LRP6: variants seen among roughly 807,000 people sequenced by gnomAD.
LRP6 encodes low-density lipoprotein receptor-related protein 6.
LRP6 carries 43 observed loss-of-function variants against 184.1 expected under a neutral mutation model. That is an observed-to-expected ratio of 0.23 (90% CI 0.18 to 0.30). The LOEUF (loss-of-function observed/expected upper bound fraction) is 0.30, where lower values mean the gene tolerates loss of function less well. LRP6 is among the 10% of genes least tolerant of loss of function. The pLI is 1.00. For synonymous variants in LRP6, 719 were observed against 684.9 expected (o/e 1.05, Z -0.78); for missense variants, 1,571 against 2,005.3 (o/e 0.78, Z 4.14).
intron 2 of LRP6, among the ~76,000 whole-genome samples, chr12:12,236,916 T>C (rs1183176305): frequency 3.3e-5 from 5 of 151,072 alleles, no homozygotes; most frequent in Non-Finnish European, 7.4e-5. Flanking sequence ...ATTCAGGGAT[T>C]TTTTTTTTGA....
At position 12,243,726 on chromosome 12, in the gene LRP6, G is replaced by A. The variant is rs562094506; in HGVS notation, c.449+536C>T. ...AGCCCAGGGGTTCAAGACCAGCCTG[G>A]GCAACACGGTGAAATTCTGTCTCTA... On this transcript the variant is annotated intron_variant, in intron 2 of 22. Coordinates refer to ENST00000261349, the MANE Select transcript of LRP6 (RefSeq NM_002336.3). Among the ~76,000 whole-genome samples, 313 of 152,126 alleles carry A rather than the reference G, an allele frequency of 2.1e-3. 3 individuals are homozygous for A. The highest frequency in any genetic ancestry group is 1.0e-3 in the Non-Finnish European group (71 of 67,986).
chr12:12,167,098 AT>A, intron 7 of LRP6, among the ~76,000 whole-genome samples: 1 of 152,314 alleles, frequency 6.6e-6, no homozygotes, highest in South Asian at 2.1e-4. Flanking sequence ...TAGGAAAAAA[AT>A]CTTTAAAAAG....
At chr12:12,169,274 G>A (rs1030653440) in intron 7 of LRP6, among the ~76,000 whole-genome samples, 8 of 149,444 alleles carry the variant, frequency 5.4e-5, no homozygotes, top group African/African-American at 1.7e-4. Flanking sequence ...AAGTATGCCC[G>A]CAGTGTGGGA....
intron 2 of LRP6, among the ~76,000 whole-genome samples, chr12:12,242,445 A>T (rs1865090711): frequency 6.6e-6 from 1 of 152,182 alleles, no homozygotes; most frequent in African/African-American, 2.4e-5. Flanking sequence ...GGAAAAAAGA[A>T]CTTTATCTTT....
chr12:12,233,487 T>G (rs556201736), intron 2 of LRP6, among the ~76,000 whole-genome samples: 2 of 151,864 alleles, frequency 1.3e-5, no homozygotes, highest in South Asian at 4.2e-4. Context: ...AATGAATGAA[T>G]GAATGAAAAT....
chr12:12,125,788 C>A (rs931601659), intron 20 of LRP6, among the ~76,000 whole-genome samples: 2 of 152,140 alleles, frequency 1.3e-5, no homozygotes, highest in South Asian at 2.1e-4. Flanking sequence ...AAATACCAGA[C>A]TTGCTCAAAA....
chr12:12,117,279 G>A lies in LRP6; in HGVS notation c.*3847C>T, dbSNP rs920076411. On this transcript the variant is annotated 3_prime_UTR_variant, in exon 23 of 23. Transcript: ENST00000261349. ...CTTTAGGACTCAGTCCACACTTAGT[G>A]CATAGTCTCATCTGTAGATGCCCAA... 6.6e-6 allele frequency: 1 copy of A among 152,182 alleles called. No individual in the cohort carries two copies. The highest frequency in any genetic ancestry group is 2.4e-5 in the African/African-American group (1 of 41,444). The allele number at this position is 152,182 out of a possible 1,614,324, so 9.4% of individuals were successfully genotyped here. A position where few individuals can be genotyped will look rare whatever the true frequency, so the allele number is the denominator to read the frequency against.
At chr12:12,199,463 A>G (rs1425866889) in intron 3 of LRP6, among the ~76,000 whole-genome samples, 1 of 152,222 alleles carries the variant, frequency 6.6e-6, no homozygotes, top group African/African-American at 2.4e-5. Flanking sequence ...TTGTTGTACA[A>G]TAACATCTTC....
At chr12:12,264,773 C>T (rs983597919) in intron 1 of LRP6, among the ~76,000 whole-genome samples, 8 of 152,258 alleles carry the variant, frequency 5.3e-5, no homozygotes, top group African/African-American at 1.9e-4. Flanking sequence ...ATAATATGTA[C>T]TCACAGCTAA....
intron 13 of LRP6, 126 bp from the exon 14 acceptor site, chr12:12,149,279 A>G (rs1950049441): frequency 2.6e-6 from 2 of 768,852 alleles, no homozygotes; most frequent in Admixed American, 1.9e-5. Flanking sequence ...CTTAAGGAGT[A>G]TTTCTTACTG....
chr12:12,138,562 A>G (rs1949879724), intron 15 of LRP6, 28 bp from the exon 16 acceptor site: 6 of 1,578,572 alleles, frequency 3.8e-6, no homozygotes, highest in Admixed American at 1.7e-5. Context: ...TTCAACAGAA[A>G]TGACTCATGT....
At chr12:12,157,620 A>G (rs538524605) in intron 12 of LRP6, among the ~76,000 whole-genome samples, 141 of 152,262 alleles carry the variant, frequency 9.3e-4, no homozygotes, top group African/African-American at 3.1e-3. Flanking sequence ...TCACAACTGA[A>G]GTTGGCATCA....
intron 11 of LRP6, 101 bp from the exon 12 acceptor site, chr12:12,159,256 A>G (rs543927917): frequency 3.6e-6 from 3 of 826,658 alleles, no homozygotes; most frequent in East Asian, 2.6e-5. Flanking sequence ...GCCCTAACAT[A>G]TAAAACATTA....
intron 3 of LRP6, among the ~76,000 whole-genome samples, chr12:12,198,330 A>G (rs990016677): frequency 7.5e-4 from 114 of 151,968 alleles, no homozygotes; most frequent in African/African-American, 2.6e-3. Flanking sequence ...TTCTTTGCCT[A>G]TCTTCAGTAT....
At chr12:12,204,848 T>C (rs1263964929) in intron 2 of LRP6, among the ~76,000 whole-genome samples, 1 of 150,582 alleles carries the variant, frequency 6.6e-6, no homozygotes, top group African/African-American at 2.4e-5. Flanking sequence ...GTGCCTGTTA[T>C]CCCAGCTACT....
At chr12:12,175,024 A>G (rs1339502547) in intron 7 of LRP6, among the ~76,000 whole-genome samples, 1 of 152,228 alleles carries the variant, frequency 6.6e-6, no homozygotes, top group Non-Finnish European at 1.5e-5. Flanking sequence ...CTATACTATC[A>G]GGTGTTGCTG....
intron 2 of LRP6, among the ~76,000 whole-genome samples, chr12:12,228,767 C>T (rs1350967067): frequency 6.6e-6 from 1 of 152,168 alleles, no homozygotes; most frequent in Non-Finnish European, 1.5e-5. Context: ...AGAAACCATC[C>T]CACCCACCCC....
At chr12:12,254,803 G>A (rs1403286875) in intron 1 of LRP6, among the ~76,000 whole-genome samples, 3 of 152,198 alleles carry the variant, frequency 2.0e-5, no homozygotes, top group Non-Finnish European at 4.4e-5. Context: ...CCTTGCAGGT[G>A]AATTAAGCAA....
intron 7 of LRP6, among the ~76,000 whole-genome samples, chr12:12,173,257 C>T (rs1379129355): frequency 6.6e-6 from 1 of 152,156 alleles, no homozygotes; most frequent in African/African-American, 2.4e-5. Flanking sequence ...CCTGAGGCCC[C>T]AAAAACCTAA....
Sources: gnomAD v4.1 joint callset for allele counts (sites outside exome capture counted in the v4.1 genomes callset) on GRCh38, gnomAD v4.1.1 for gene constraint, MANE v1.5 for transcripts, NCBI Gene and HGNC (gene_info 2026-07-23, HGNC 2026-07-21) for gene names.